Variants in PRKAA1 observed in about 807,000 individuals in gnomAD.
The protein encoded by PRKAA1 is 5'-AMP-activated protein kinase catalytic subunit alpha-1.
PRKAA1 carries 23 observed loss-of-function variants against 56.9 expected under a neutral mutation model. That is an observed-to-expected ratio of 0.40 (90% CI 0.29 to 0.57). The LOEUF (loss-of-function observed/expected upper bound fraction) is 0.57, where lower values mean the gene tolerates loss of function less well. PRKAA1 is among the 20% of genes least tolerant of loss of function. The pLI is 0.39. For missense variants in PRKAA1, 413 were observed against 679.7 expected, an observed-to-expected ratio of 0.61 and a Z score of 4.36; for synonymous variants, 226 against 227.0, an observed-to-expected ratio of 1.00 and a Z score of 0.04.
intron 1 of PRKAA1, among the ~76,000 whole-genome samples, chr5:40,780,010 G>A (rs1744198780): frequency 6.6e-6 from 1 of 152,186 alleles, no homozygotes; most frequent in African/African-American, 2.4e-5. Context: ...TTGGCACTAT[G>A]TGTGAAAGGG....
intron 3 of PRKAA1, among the ~76,000 whole-genome samples, chr5:40,772,844 G>A (rs1743812655): frequency 6.6e-6 from 1 of 152,148 alleles, no homozygotes; most frequent in Non-Finnish European, 1.5e-5. Flanking sequence ...ATGTTGCCCA[G>A]GCTGGTCTCG....
chr5:40,767,481 G>A lies in PRKAA1; in HGVS notation c.806C>T (p.Thr269Ile). 6.2e-7 allele frequency: 1 copy of A among 1,607,606 alleles called. No homozygotes were observed. The highest frequency in any genetic ancestry group is 8.5e-7 in the Non-Finnish European group (1 of 1,175,756). Residue 269 changes from threonine (T) to isoleucine (I), a missense_variant, in exon 6 of 9, where the codon ACA becomes ATA. Around this residue, in one of 9 missense-constraint regions of PRKAA1, gnomAD observed 113 missense variants for 198.6 expected, o/e 0.57. Transcript: ENST00000397128. ...GCTTTATTACCTGATATCTTTGATT[G>A]TGGCCCTCTTCATGGGATCCACCTG... ...MLQVDPMKRA[T>I]IKDIREHEWF...
chr5:40,772,607 TTG>T (rs1021094912), intron 3 of PRKAA1, among the ~76,000 whole-genome samples: 3 of 152,024 alleles, frequency 2.0e-5, no homozygotes, highest in African/African-American at 7.2e-5. Flanking sequence ...TTTTTGTTTT[TTG>T]TGTTTTTTTG....
At chr5:40,794,020 T>C (rs1177297496) in intron 1 of PRKAA1, among the ~76,000 whole-genome samples, 2 of 151,732 alleles carry the variant, frequency 1.3e-5, no homozygotes, top group Admixed American at 6.6e-5. Flanking sequence ...AAGAATCACT[T>C]GAACCTGGGA....
intron 1 of PRKAA1, among the ~76,000 whole-genome samples, chr5:40,784,325 T>C (rs1007888507): frequency 2.0e-5 from 3 of 152,198 alleles, no homozygotes; most frequent in Admixed American, 6.5e-5. Flanking sequence ...GTCATTTTAA[T>C]GTATCTAGCT....
At chr5:40,792,499 T>C (rs1744757517) in intron 1 of PRKAA1, among the ~76,000 whole-genome samples, 1 of 152,228 alleles carries the variant, frequency 6.6e-6, no homozygotes, top group Admixed American at 6.5e-5. Context: ...CTCTCTCATG[T>C]AGAGGTAGGA....
At chr5:40,772,170 T>G (rs540967902) in intron 3 of PRKAA1, among the ~76,000 whole-genome samples, 1 of 152,250 alleles carries the variant, frequency 6.6e-6, no homozygotes, top group South Asian at 2.1e-4. Flanking sequence ...TACTTGAAAT[T>G]TGGCATATTT....
At chr5:40,776,265 A>C (rs1743998180) in intron 2 of PRKAA1, among the ~76,000 whole-genome samples, 1 of 152,248 alleles carries the variant, frequency 6.6e-6, no homozygotes, top group African/African-American at 2.4e-5. Flanking sequence ...TGAAAGAAAC[A>C]GGGAAGTTAA....
At chr5:40,795,226 G>A (rs1744876327) in intron 1 of PRKAA1, among the ~76,000 whole-genome samples, 1 of 152,036 alleles carries the variant, frequency 6.6e-6, no homozygotes, top group Admixed American at 6.6e-5. Flanking sequence ...AGTGGACTAT[G>A]GGGACTTGAG....
At chr5:40,786,784 T>TAAAA (rs1744505721) in intron 1 of PRKAA1, among the ~76,000 whole-genome samples, 1 of 3,246 alleles carries the variant, frequency 3.1e-4, no homozygotes, top group African/African-American at 1.2e-3. Context: ...CTACTAAAAA[T>TAAAA]ACAAAAAAAA....
At chr5:40,792,700 A>G (rs1744765315) in intron 1 of PRKAA1, among the ~76,000 whole-genome samples, 1 of 152,178 alleles carries the variant, frequency 6.6e-6, no homozygotes, top group Admixed American at 6.6e-5. Flanking sequence ...AGGAATTTTT[A>G]AATAACTTCT....
intron 1 of PRKAA1, among the ~76,000 whole-genome samples, chr5:40,795,587 A>G (rs979912399): frequency 2.6e-5 from 4 of 152,042 alleles, no homozygotes; most frequent in African/African-American, 4.8e-5. Flanking sequence ...AGCCAATGAG[A>G]CTCATAAGAG....
intron 3 of PRKAA1, among the ~76,000 whole-genome samples, chr5:40,772,810 TTC>T (rs943431596): frequency 6.6e-6 from 1 of 152,136 alleles, no homozygotes; most frequent in African/African-American, 2.4e-5. Context: ...ATTTTTGTAT[TTC>T]TGATAGAGAC....
intron 1 of PRKAA1, among the ~76,000 whole-genome samples, chr5:40,781,752 T>C (rs1744274539): frequency 6.6e-6 from 1 of 152,096 alleles, no homozygotes; most frequent in South Asian, 2.1e-4. Flanking sequence ...AAACCAAATA[T>C]AGGTTTTATT....
rs1330865805 is a variant in PRKAA1 at position 40,770,742 on chromosome 5, C to CT, written c.508+976_508+977insA. 6.1e-3 allele frequency among the ~76,000 whole-genome samples: 923 copies of CT among 151,764 alleles called. 12 individuals carry two copies. Among genetic ancestry groups the CT allele is most frequent in the African/African-American group, 0.021 (873 of 41,448 alleles). ...GGGTAGTGGGGACTATAGGCACGCA[C>CT]CACCATGCCCAGCTAATTTTGTATT... On this transcript the variant is annotated intron_variant, in intron 4 of 8. Transcript: ENST00000397128.
rs154282 is a variant in PRKAA1, at chr5:40,787,587, T to G, written c.128-10001A>C. Reference sequence around the variant, plus strand: ...AAACATGGAAGAGGGGGAGTAAAAATGTAGAATGTGTGTATGTGATCAAAG... The same window carrying G: ...AAACATGGAAGAGGGGGAGTAAAAAGGTAGAATGTGTGTATGTGATCAAAG... On this transcript the variant is annotated intron_variant, in intron 1 of 8. Coordinates refer to ENST00000397128, the MANE Select transcript of PRKAA1 (RefSeq NM_006251.6). Among the ~76,000 whole-genome samples, 170 of 152,010 alleles carry G rather than the reference T, an allele frequency of 1.1e-3. 1 individual carries two copies. In the East Asian group the frequency reaches 0.028, roughly 25 times the overall value.
chr5:40,765,815 G>A (rs1002870538), intron 6 of PRKAA1, among the ~76,000 whole-genome samples: 7 of 151,994 alleles, frequency 4.6e-5, no homozygotes, highest in African/African-American at 1.4e-4. Context: ...CCAGGATTAT[G>A]ACCCAGTTCT....
At chr5:40,793,520 T>A (rs1020116345) in intron 1 of PRKAA1, among the ~76,000 whole-genome samples, 2 of 152,224 alleles carry the variant, frequency 1.3e-5, no homozygotes, top group Non-Finnish European at 2.9e-5. Context: ...TTTCTGCATA[T>A]CAATATCATA....
chr5:40,797,706 C>G (rs1026688812), intron 1 of PRKAA1, among the ~76,000 whole-genome samples: 12 of 152,224 alleles, frequency 7.9e-5, no homozygotes, highest in Non-Finnish European at 1.3e-4. Flanking sequence ...ATGCCGCCTC[C>G]CCGGGGATCG....
Sources: allele counts gnomAD v4.1 joint callset (sites outside exome capture counted in the v4.1 genomes callset), GRCh38; gene constraint gnomAD v4.1.1; regional missense constraint gnomAD v4.1.1; transcripts MANE v1.5; gene names NCBI Gene and HGNC (gene_info 2026-07-23, HGNC 2026-07-21).